The following NAA16 variants were observed in gnomAD, a reference collection of about 807,000 sequenced individuals.
The protein encoded by NAA16 is N-alpha-acetyltransferase 16, NatA auxiliary subunit.
Under a neutral mutation model 110.3 loss-of-function variants are expected in NAA16, and 97 were observed. That is an observed-to-expected ratio of 0.88 (90% confidence interval 0.75 to 1.04). The LOEUF (loss-of-function observed/expected upper bound fraction) is 1.04, where lower values mean the gene tolerates loss of function less well. Among genes scored for constraint, NAA16 ranks in the 50% least tolerant of loss-of-function variants. The pLI is 0.00. For synonymous variants in NAA16, 372 were observed against 330.6 expected (o/e 1.13, Z -1.36); for missense variants, 1,017 against 1,005.1 (o/e 1.01, Z -0.16).
chr13:41,341,931 G>A (rs1210184896), intron 9 of NAA16, among the ~76,000 whole-genome samples: 2 of 146,592 alleles, frequency 1.4e-5, no homozygotes, highest in African/African-American at 2.5e-5. Flanking sequence ...TCCTGGGTTC[G>A]CGCCATTCTC....
intron 9 of NAA16, among the ~76,000 whole-genome samples, chr13:41,344,495 C>A (rs953693146): frequency 6.6e-6 from 1 of 152,096 alleles, no homozygotes; most frequent in Admixed American, 6.6e-5. Context: ...TTTTGATTGT[C>A]GCTGCAGTGA....
At chr13:41,328,383 C>A (rs1182527622) in intron 6 of NAA16, among the ~76,000 whole-genome samples, 1 of 152,116 alleles carries the variant, frequency 6.6e-6, no homozygotes, top group Non-Finnish European at 1.5e-5. Context: ...AGGAATGTTT[C>A]ACTAGCATTA....
chr13:41,332,342 G>T (rs770355097), intron 8 of NAA16, among the ~76,000 whole-genome samples: 18 of 151,976 alleles, frequency 1.2e-4, no homozygotes, highest in Non-Finnish European at 1.9e-4. Flanking sequence ...CATGTATTTT[G>T]TATTCCTGAA....
chr13:41,371,228 A>C (rs561696921), intron 15 of NAA16, among the ~76,000 whole-genome samples: 2 of 152,342 alleles, frequency 1.3e-5, no homozygotes, highest in East Asian at 3.9e-4. Context: ...GTAGTGCCAG[A>C]AAACAGATGG....
At chr13:41,353,542 A>G (rs906915427) in intron 9 of NAA16, among the ~76,000 whole-genome samples, 26 of 151,002 alleles carry the variant, frequency 1.7e-4, no homozygotes, top group Admixed American at 1.3e-3. Flanking sequence ...AGGCGGGAGG[A>G]TTGCTTGAGC....
chr13:41,322,841 A>G (rs1303189095), intron 4 of NAA16, among the ~76,000 whole-genome samples: 1 of 152,206 alleles, frequency 6.6e-6, no homozygotes, highest in South Asian at 2.1e-4. Context: ...ATGGGCCCCA[A>G]AGATGTTTCA....
At position 41,376,452 on chromosome 13, in the gene NAA16, G is replaced by C. The variant is rs978497292; in HGVS notation, c.*850G>C. 4 of 152,144 alleles carry C rather than the reference G, an allele frequency of 2.6e-5. No individual in the cohort carries two copies. Among genetic ancestry groups the C allele is most frequent in the African/African-American group, 9.7e-5 (4 of 41,426 alleles). The allele number at this position is 152,144 out of a possible 1,614,324, so 9.4% of individuals were successfully genotyped here. A position where few individuals can be genotyped will look rare whatever the true frequency, so the allele number is the denominator to read the frequency against. ...CTCTAGTTTTATGTAGATGATTTCA[G>C]AATGTGAAGGCTGGTTTGCCTGTCA... On this transcript the variant is annotated 3_prime_UTR_variant, in exon 20 of 20. Coordinates refer to ENST00000379406, the MANE Select transcript of NAA16 (RefSeq NM_024561.5).
At chr13:41,373,208 TTATAC>T (rs2043356887) in intron 17 of NAA16, 1 of 850,344 alleles carries the variant, frequency 1.2e-6, no homozygotes, top group East Asian at 1.2e-4. Flanking sequence ...AGAATAATAA[TTATAC>T]TATGTAAAAT....
At chr13:41,320,613 G>A (rs2041921280) in intron 3 of NAA16, 54 bp from the exon 4 acceptor site, 4 of 1,435,498 alleles carry the variant, frequency 2.8e-6, no homozygotes, top group Non-Finnish European at 3.7e-6. Flanking sequence ...TATTAGATAT[G>A]TATCATAGAA....
chr13:41,323,345 TTCTC>T (rs1278833925), intron 5 of NAA16, among the ~76,000 whole-genome samples, 155 bp downstream of exon 5: 3 of 150,642 alleles, frequency 2.0e-5, no homozygotes, highest in Admixed American at 6.6e-5. Flanking sequence ...AGGATTATTT[TTCTC>T]TCTCTTTTTT....
chr13:41,335,196 C>T (rs1283648331), intron 8 of NAA16, among the ~76,000 whole-genome samples: 2 of 134,148 alleles, frequency 1.5e-5, no homozygotes, highest in South Asian at 2.7e-4. Flanking sequence ...AATATTAACT[C>T]GAAAATATAA....
chr13:41,328,359 TGTA>T (rs1204606109), intron 6 of NAA16, among the ~76,000 whole-genome samples: 1 of 152,140 alleles, frequency 6.6e-6, no homozygotes, highest in Non-Finnish European at 1.5e-5. Context: ...ATTTAAATCT[TGTA>T]GTAGGAAGAT....
At chr13:41,366,441 A>G (rs1017821423) in intron 13 of NAA16, among the ~76,000 whole-genome samples, 7 of 152,310 alleles carry the variant, frequency 4.6e-5, no homozygotes, top group South Asian at 2.1e-4. Context: ...TCATTTTTCT[A>G]TATGATTTTA....
chr13:41,327,547 A>T (rs1158964178), intron 6 of NAA16, among the ~76,000 whole-genome samples: 1 of 152,050 alleles, frequency 6.6e-6, no homozygotes, highest in Non-Finnish European at 1.5e-5. Flanking sequence ...TTTGAAAAGT[A>T]AATATGGTAC....
intron 18 of NAA16, among the ~76,000 whole-genome samples, chr13:41,374,245 T>A (rs1021947197): frequency 2.0e-5 from 3 of 151,924 alleles, no homozygotes; most frequent in African/African-American, 7.3e-5. Context: ...TTTCATTTTT[T>A]AAAATTTTAC....
At position 41,376,115 on chromosome 13, in the gene NAA16, C is replaced by A. The variant is rs889894305; in HGVS notation, c.*513C>A. The A allele has an allele frequency of 2.6e-5, 4 of 152,396 alleles. No individual in the cohort carries two copies. Among genetic ancestry groups the A allele is most frequent in the African/African-American group, 9.7e-5 (4 of 41,380 alleles). The allele number at this position is 152,396 out of a possible 1,614,324, so 9.4% of individuals were successfully genotyped here. A position where few individuals can be genotyped will look rare whatever the true frequency, so the allele number is the denominator to read the frequency against. On this transcript the variant is annotated 3_prime_UTR_variant, in exon 20 of 20. Transcript: ENST00000379406. ...GATCAGCCTGGCCAACATGGTGAAA[C>A]CCCTTCTCTACTGAAAATACAAAAA...
intron 9 of NAA16, among the ~76,000 whole-genome samples, chr13:41,345,642 G>A (rs2042661738): frequency 6.6e-6 from 1 of 152,064 alleles, no homozygotes; most frequent in Non-Finnish European, 1.5e-5. Context: ...GAGTACAGTG[G>A]TGCGATCTCA....
chr13:41,350,607 GT>G (rs1294602444), intron 9 of NAA16, among the ~76,000 whole-genome samples: 1,595 of 26,016 alleles, frequency 0.061, 44 homozygotes, highest in African/African-American at 0.14. Flanking sequence ...GTTTTTTTTT[GT>G]TTTTTTTTTT....
chr13:41,367,704 G>T, intron 14 of NAA16, 52 bp downstream of exon 14: 1 of 1,217,710 alleles, frequency 8.2e-7, no homozygotes, highest in Non-Finnish European at 1.2e-6. Flanking sequence ...ATTTCAGAAT[G>T]CCATTAGCGT....
Sources: allele counts gnomAD v4.1 joint callset (sites outside exome capture counted in the v4.1 genomes callset), GRCh38; gene constraint gnomAD v4.1.1; transcripts MANE v1.5; gene names NCBI Gene and HGNC (gene_info 2026-07-23, HGNC 2026-07-21).